The following CCDC7 variants were observed in gnomAD, a reference collection of about 807,000 sequenced individuals.
The protein encoded by CCDC7 is coiled-coil domain containing 7.
Under a neutral mutation model 196.9 loss-of-function variants are expected in CCDC7, and 183 were observed. That is an observed-to-expected ratio of 0.93 (90% CI 0.82 to 1.05). The LOEUF is 1.05. CCDC7 is among the 50% of genes least tolerant of loss of function. The pLI is 0.00. For synonymous variants in CCDC7, 525 were observed against 484.6 expected (o/e 1.08, Z -1.10); for missense variants, 1,540 against 1,482.2 (o/e 1.04, Z -0.64).
intron 21 of CCDC7, among the ~76,000 whole-genome samples, chr10:32,678,430 G>T (rs1254956740): frequency 6.6e-6 from 1 of 152,148 alleles, no homozygotes; most frequent in Non-Finnish European, 1.5e-5. Context: ...CCATTAGCAG[G>T]GTTCATGGGC....
chr10:32,824,085 GA>G (rs60111952), intron 31 of CCDC7, among the ~76,000 whole-genome samples: 25 of 151,590 alleles, frequency 1.6e-4, no homozygotes, highest in African/African-American at 4.1e-4. Context: ...GGTCAACTAT[GA>G]AAAAAAATTG....
At chr10:32,693,753 C>T (rs553612688) in intron 23 of CCDC7, among the ~76,000 whole-genome samples, 1 of 152,276 alleles carries the variant, frequency 6.6e-6, no homozygotes, top group South Asian at 2.1e-4. Context: ...CAATTTCCTC[C>T]CACATTCCAA....
chr10:32,824,481 TA>T (rs771644120), intron 31 of CCDC7, 36 bp from the exon 33 acceptor site: 27 of 1,371,526 alleles, frequency 2.0e-5, no homozygotes, highest in South Asian at 4.9e-5. Context: ...ATATTTACAT[TA>T]AAAAAGTGTT....
chr10:32,734,964 G>C (rs1338778912), intron 28 of CCDC7, among the ~76,000 whole-genome samples: 1 of 151,940 alleles, frequency 6.6e-6, no homozygotes, highest in African/African-American at 2.4e-5. Context: ...TTTAAAAAAT[G>C]CATTTTGTTT....
chr10:32,637,828 T>C (rs999198724), intron 20 of CCDC7, among the ~76,000 whole-genome samples: 2 of 152,148 alleles, frequency 1.3e-5, no homozygotes, highest in Admixed American at 6.5e-5. Flanking sequence ...GGCAGTATGG[T>C]CATTTTCACG....
intron 20 of CCDC7, among the ~76,000 whole-genome samples, chr10:32,651,637 C>T (rs1402128320): frequency 6.6e-6 from 1 of 152,058 alleles, no homozygotes; most frequent in Non-Finnish European, 1.5e-5. Context: ...GGTGAGAGAG[C>T]TTATCACAGG....
intron 26 of CCDC7, 121 bp from the exon 28 acceptor site, chr10:32,728,766 G>A: frequency 2.0e-6 from 1 of 498,604 alleles, no homozygotes; most frequent in Non-Finnish European, 3.5e-6. Context: ...TTCTATTTTT[G>A]TGTCAGATCT....
intron 28 of CCDC7, among the ~76,000 whole-genome samples, chr10:32,758,365 A>G (rs968622061): frequency 2.6e-5 from 4 of 152,214 alleles, no homozygotes; most frequent in Non-Finnish European, 5.9e-5. Context: ...AATACTGGCA[A>G]TCCGAATCCA....
rs2072703327 is a variant in CCDC7, at chr10:32,666,330, A to G, written c.2122+2169A>G. Reference sequence around the variant, plus strand: ...CAGGTACGGCAGTAGGAAGAACATAATATTTTTCTAACATACACAATAATC... The same window carrying G: ...CAGGTACGGCAGTAGGAAGAACATAGTATTTTTCTAACATACACAATAATC... On this transcript the variant is annotated intron_variant, in intron 21 of 41. Coordinates refer to ENST00000639629, the Ensembl canonical transcript of CCDC7. Among the ~76,000 whole-genome samples, 8 of 152,022 alleles carry G rather than the reference A, an allele frequency of 5.3e-5. No individual in the cohort carries two copies. In the South Asian group the frequency reaches 1.7e-3, roughly 32 times the overall value.
chr10:32,624,318 T>G (rs1387207794), intron 18 of CCDC7, among the ~76,000 whole-genome samples: 1 of 152,146 alleles, frequency 6.6e-6, no homozygotes, highest in Non-Finnish European at 1.5e-5. Context: ...ATAAATCACA[T>G]TCTCATTCTC....
In CCDC7 at chr10:32,511,255, G is replaced by GGGGGGT. The variant is rs2046081043; in HGVS notation, c.873-6685_873-6684insTGGGGG. 18 of 658,664 alleles carry GGGGGGT rather than the reference G, an allele frequency of 2.7e-5. No homozygotes were observed. In the African/African-American group the frequency reaches 4.1e-4, roughly 15 times the overall value. 40.8% of individuals were successfully genotyped at this position (658,664 alleles called of 1,614,324 possible). A position where few individuals can be genotyped will look rare whatever the true frequency, so the allele number is the denominator to read the frequency against. ...TTGTCCTGCCACAGAATTATTCTGT[G>GGGGGGT]GGGGGCGGGGGGGGCGGGGAAATGT... On this transcript the variant is annotated intron_variant, in intron 9 of 41. Coordinates refer to ENST00000639629, the Ensembl canonical transcript of CCDC7.
At chr10:32,487,760 T>C (rs1168575690) in intron 8 of CCDC7, among the ~76,000 whole-genome samples, 5 of 152,234 alleles carry the variant, frequency 3.3e-5, no homozygotes. Flanking sequence ...CTCCAGACCC[T>C]GTTTGCCTGG....
chr10:32,680,617 C>G (rs2075726452), intron 21 of CCDC7, among the ~76,000 whole-genome samples: 1 of 147,488 alleles, frequency 6.8e-6, no homozygotes, highest in African/African-American at 2.6e-5. Flanking sequence ...ACCCTGGGGA[C>G]ACACATATTT....
chr10:32,549,798 C>T (rs2053162928), intron 13 of CCDC7, among the ~76,000 whole-genome samples: 1 of 152,094 alleles, frequency 6.6e-6, no homozygotes, highest in Non-Finnish European at 1.5e-5. Context: ...CAGTACCATG[C>T]TGTTTTGGTG....
chr10:32,741,765 A>C lies in CCDC7; in HGVS notation c.2905+12308A>C, dbSNP rs116680681. Among the ~76,000 whole-genome samples the C allele has an allele frequency of 2.4e-3, 361 of 152,306 alleles. 2 individuals are homozygous for C. Among genetic ancestry groups the C allele is most frequent in the African/African-American group, 8.3e-3 (343 of 41,570 alleles). ...GTTTGTTTCATCAATTATTGAAAGA[A>C]TATGTTCAATTCTCCCATTGTGAGT... On this transcript the variant is annotated intron_variant, in intron 28 of 41. Coordinates refer to ENST00000639629, the Ensembl canonical transcript of CCDC7.
rs962073034 is a variant in CCDC7, at chr10:32,462,958, A to G, written c.478-59A>G. ...ACACATTTATATAGATATTTATTTC[A>G]TCAGTGCAATTTAAGTAGTCACTAT... On this transcript the variant is annotated intron_variant, in intron 4 of 41. Transcript: ENST00000639629. The G allele has an allele frequency of 3.7e-6, 6 of 1,602,688 alleles. No individual in the cohort carries two copies. In the South Asian group the frequency reaches 6.7e-5, roughly 18 times the overall value.
chr10:32,557,837 G>A (rs2054619038), intron 13 of CCDC7, among the ~76,000 whole-genome samples: 1 of 152,096 alleles, frequency 6.6e-6, no homozygotes, highest in East Asian at 1.9e-4. Flanking sequence ...GATTATAAGT[G>A]TGTACCACCA....
chr10:32,725,927 CATT>C (rs757240323), intron 25 of CCDC7, among the ~76,000 whole-genome samples: 5 of 152,118 alleles, frequency 3.3e-5, no homozygotes, highest in Admixed American at 6.6e-5. Context: ...ATATGTAAAA[CATT>C]AACCTACTTC....
At chr10:32,721,445 C>T (rs759784772) in intron 25 of CCDC7, among the ~76,000 whole-genome samples, 5 of 152,156 alleles carry the variant, frequency 3.3e-5, no homozygotes, top group Non-Finnish European at 7.4e-5. Context: ...GTAAAGTTAG[C>T]AGCATGGCCC....
Sources: gnomAD v4.1 joint callset for allele counts (sites outside exome capture counted in the v4.1 genomes callset) on GRCh38, gnomAD v4.1.1 for gene constraint, MANE v1.5 for transcripts, NCBI Gene and HGNC (gene_info 2026-07-23, HGNC 2026-07-21) for gene names.